Variants in CDH4 observed in about 807,000 individuals in gnomAD.
CDH4 encodes cadherin 4.
CDH4 carries 33 observed loss-of-function variants against 86.0 expected under a neutral mutation model. The ratio of observed to expected loss-of-function variants is 0.38; its 90% confidence interval spans 0.29 to 0.51. The LOEUF is 0.51. Ranked by LOEUF, CDH4 falls within the 20% of genes least tolerant of loss-of-function variation. CDH4 has a pLI of 0.86. For missense variants in CDH4, 1,114 were observed against 1,307.4 expected, an observed-to-expected ratio of 0.85 and a Z score of 2.28; for synonymous variants, 555 against 549.4, an observed-to-expected ratio of 1.01 and a Z score of -0.14.
chr20:61,622,565 G>C (rs1250172805), intron 2 of CDH4, among the ~76,000 whole-genome samples: 1 of 152,388 alleles, frequency 6.6e-6, no homozygotes, highest in East Asian at 1.9e-4. Context: ...CAGCACAGTA[G>C]CCTCCTGCTG....
chr20:61,559,464 A>G (rs2086200074), intron 2 of CDH4, among the ~76,000 whole-genome samples: 1 of 149,784 alleles, frequency 6.7e-6, no homozygotes, highest in African/African-American at 2.5e-5. Context: ...CACTGGTCTG[A>G]TCCAGCAGTT....
chr20:61,725,302 G>A (rs190383338), intron 2 of CDH4, among the ~76,000 whole-genome samples: 3 of 152,270 alleles, frequency 2.0e-5, no homozygotes, highest in East Asian at 1.9e-4. Context: ...TCCCCGAGCT[G>A]GTCATAGACA....
chr20:61,529,762 T>G (rs575137805), intron 2 of CDH4, among the ~76,000 whole-genome samples: 148 of 152,338 alleles, frequency 9.7e-4, no homozygotes, highest in Non-Finnish European at 1.9e-3. Context: ...TCTTCAGAAC[T>G]TCTCGTTCTT....
chr20:61,335,065 G>A (rs977556238), intron 2 of CDH4, among the ~76,000 whole-genome samples: 7 of 152,206 alleles, frequency 4.6e-5, no homozygotes, highest in African/African-American at 1.2e-4. Context: ...GACATCCAGC[G>A]AGTCTCTCTA....
At chr20:61,389,688 A>G (rs532215152) in intron 2 of CDH4, among the ~76,000 whole-genome samples, 1 of 152,104 alleles carries the variant, frequency 6.6e-6, no homozygotes, top group South Asian at 2.1e-4. Flanking sequence ...TCGTTGTCAC[A>G]TCAGGGGGTG....
intron 4 of CDH4, among the ~76,000 whole-genome samples, chr20:61,796,558 C>T (rs142223889): frequency 1.5e-3 from 232 of 152,336 alleles, no homozygotes; most frequent in African/African-American, 5.3e-3. Context: ...TGGCCCCCGA[C>T]CATTGCTCTG....
At chr20:61,749,462 C>G (rs573783043) in intron 3 of CDH4, among the ~76,000 whole-genome samples, 16 of 152,078 alleles carry the variant, frequency 1.1e-4, no homozygotes, top group Non-Finnish European at 2.1e-4. Flanking sequence ...CAAGCAAGTC[C>G]CAACATACTT....
At position 61,861,240 on chromosome 20, in the gene CDH4, C is replaced by T. The variant is rs148490770; in HGVS notation, c.877+8342C>T. Among the ~76,000 whole-genome samples, 838 of 152,306 alleles carry T rather than the reference C, an allele frequency of 5.5e-3. 4 individuals are homozygous for T. Among genetic ancestry groups the T allele is most frequent in the Non-Finnish European group, 9.5e-3 (643 of 68,030 alleles). ...TTCCACGTGGGAAGGACACACCTTC[C>T]GCTGAAGATGCGATCATGCGGTCAT... On this transcript the variant is annotated intron_variant, in intron 6 of 15. Coordinates refer to ENST00000614565, the MANE Select transcript of CDH4 (RefSeq NM_001794.5).
At chr20:61,705,279 C>T (rs2145890421) in intron 2 of CDH4, among the ~76,000 whole-genome samples, 1 of 152,366 alleles carries the variant, frequency 6.6e-6, no homozygotes, top group East Asian at 1.9e-4. Context: ...AACAGAATGT[C>T]ACCCTGCTGC....
At chr20:61,258,334 A>AAAAAAAG (rs1317640492) in intron 2 of CDH4, among the ~76,000 whole-genome samples, 6 of 134,702 alleles carry the variant, frequency 4.5e-5, no homozygotes, top group Admixed American at 4.4e-4. Flanking sequence ...CGTCTCAAAA[A>AAAAAAAG]AAAAAAAAAA....
intron 2 of CDH4, among the ~76,000 whole-genome samples, chr20:61,481,703 C>T (rs891380175): frequency 2.6e-5 from 4 of 152,164 alleles, no homozygotes; most frequent in Non-Finnish European, 2.9e-5. Context: ...CAAGCACACA[C>T]GGTATGGATA....
At chr20:61,772,930 A>AG in intron 3 of CDH4, 73 bp from the exon 4 acceptor site, 1 of 1,366,768 alleles carries the variant, frequency 7.3e-7, no homozygotes, top group Non-Finnish European at 1.0e-6. Context: ...AGATCATCTT[A>AG]GCAGATGCCA....
At chr20:61,802,563 A>G (rs1487541441) in intron 4 of CDH4, among the ~76,000 whole-genome samples, 1 of 152,208 alleles carries the variant, frequency 6.6e-6, no homozygotes, top group Admixed American at 6.5e-5. Context: ...AAAAAAAACA[A>G]CTGTCTCCGT....
chr20:61,852,603 G>A, intron 5 of CDH4, 151 bp from the exon 6 acceptor site: 1 of 633,508 alleles, frequency 1.6e-6, no homozygotes, highest in Non-Finnish European at 2.5e-6. Context: ...GAGGCTCAGA[G>A]AATTCCATGA....
At chr20:61,820,749 C>T (rs1284287650) in intron 4 of CDH4, among the ~76,000 whole-genome samples, 2 of 152,150 alleles carry the variant, frequency 1.3e-5, no homozygotes, top group Admixed American at 1.3e-4. Flanking sequence ...GGAGCTTTCC[C>T]CTCCCAAGAC....
At chr20:61,474,151 A>ATT (rs2085521538) in intron 2 of CDH4, among the ~76,000 whole-genome samples, 1 of 96,882 alleles carries the variant, frequency 1.0e-5, no homozygotes, top group East Asian at 3.4e-4. Flanking sequence ...ATGGAATAGG[A>ATT]CTTTTTTTTT....
At chr20:61,387,983 G>C (rs959678986) in intron 2 of CDH4, among the ~76,000 whole-genome samples, 2 of 152,140 alleles carry the variant, frequency 1.3e-5, no homozygotes, top group Non-Finnish European at 2.9e-5. Flanking sequence ...TTTTTGGTTT[G>C]GGTTGTTTAA....
intron 2 of CDH4, among the ~76,000 whole-genome samples, chr20:61,670,165 T>C (rs1036274882): frequency 7.2e-5 from 11 of 152,110 alleles, no homozygotes; most frequent in African/African-American, 2.4e-4. Context: ...CAGGGAAATA[T>C]GGATTTCAGG....
rs1340194813 is a variant in CDH4 at position 61,501,462 on chromosome 20, G to T, written c.170-242101G>T. ...TGGCCACGGAGAGTCCAGGTGGGAA[G>T]AATTTATTAGGTGAGCGATGTAGCT... On this transcript the variant is annotated intron_variant, in intron 2 of 15. Coordinates refer to ENST00000614565, the MANE Select transcript of CDH4 (RefSeq NM_001794.5). The surrounding 1 kb of genome is among the most constrained non-coding windows in gnomAD (Gnocchi z 4.2). Among the ~76,000 whole-genome samples, 1 of 152,156 alleles carries T rather than the reference G, an allele frequency of 6.6e-6. No individual in the cohort carries two copies. Among genetic ancestry groups the T allele is most frequent in the African/African-American group, 2.4e-5 (1 of 41,442 alleles).
Sources: gnomAD v4.1 joint callset for allele counts (sites outside exome capture counted in the v4.1 genomes callset) on GRCh38, gnomAD v4.1.1 for gene constraint, Gnocchi (gnomAD v3.1) non-coding constraint, MANE v1.5 for transcripts, NCBI Gene and HGNC (gene_info 2026-07-23, HGNC 2026-07-21) for gene names.